Variants in DIAPH2 observed in about 807,000 individuals in gnomAD.
The protein encoded by DIAPH2 is diaphanous related formin 2.
DIAPH2 carries 35 observed loss-of-function variants against 92.7 expected under a neutral mutation model. That is an observed-to-expected ratio of 0.38 (90% CI 0.29 to 0.50). The LOEUF is 0.50. Ranked by LOEUF, DIAPH2 falls within the 20% of genes least tolerant of loss-of-function variation. The pLI is 0.94. For missense variants in DIAPH2, 701 were observed against 819.5 expected, an observed-to-expected ratio of 0.86 and a Z score of 1.77; for synonymous variants, 301 against 280.4, an observed-to-expected ratio of 1.07 and a Z score of -0.73.
chrX:97,356,127 C>G (rs909857920), intron 24 of DIAPH2, among the ~76,000 whole-genome samples: 2 of 111,651 alleles, frequency 1.8e-5, no homozygotes, highest in African/African-American at 3.2e-5. Flanking sequence ...CCATGTTTCA[C>G]AGGACACTTC....
At chrX:97,367,823 C>T (rs2069396889) in intron 24 of DIAPH2, among the ~76,000 whole-genome samples, 1 of 110,423 alleles carries the variant, frequency 9.1e-6, no homozygotes, top group Non-Finnish European at 1.9e-5. Context: ...CTGCCTCAGC[C>T]TCCCAAGTAG....
At chrX:97,335,713 C>G (rs1319849632) in intron 23 of DIAPH2, among the ~76,000 whole-genome samples, 1 of 111,810 alleles carries the variant, frequency 8.9e-6, no homozygotes, top group African/African-American at 3.2e-5. Context: ...TAGGAACTAG[C>G]AAATAGACTT....
chrX:96,832,110 T>G (rs1000780682), intron 4 of DIAPH2, among the ~76,000 whole-genome samples: 2 of 111,465 alleles, frequency 1.8e-5, no homozygotes, highest in Admixed American at 9.6e-5. Context: ...AAAGAGTAGG[T>G]ATAAAGAGAG....
intron 15 of DIAPH2, chrX:96,954,337 A>T (rs960241765): frequency 2.7e-5 from 3 of 112,660 alleles, no homozygotes; most frequent in Non-Finnish European, 5.6e-5. Context: ...ATATTTATCT[A>T]GCAAAGTGAG....
At chrX:96,768,395 T>C (rs2064317401) in intron 4 of DIAPH2, among the ~76,000 whole-genome samples, 2 of 111,804 alleles carry the variant, frequency 1.8e-5, no homozygotes, top group South Asian at 7.6e-4. Flanking sequence ...CTCTCTAGAC[T>C]CAGTTTCATT....
chrX:96,809,125 A>G (rs2064652878), intron 4 of DIAPH2, among the ~76,000 whole-genome samples: 1 of 111,393 alleles, frequency 9.0e-6, no homozygotes, highest in Non-Finnish European at 1.9e-5. Context: ...TTAAGTATTT[A>G]ATATAAACAA....
chrX:97,369,910 G>C (rs1210692746), intron 24 of DIAPH2, among the ~76,000 whole-genome samples: 1 of 111,664 alleles, frequency 9.0e-6, no homozygotes, highest in Admixed American at 9.6e-5. Flanking sequence ...CATTCTCAAT[G>C]ATTGAAAATA....
At chrX:97,341,911 A>G (rs1484749197) in intron 23 of DIAPH2, among the ~76,000 whole-genome samples, 3 of 111,952 alleles carry the variant, frequency 2.7e-5, no homozygotes, top group East Asian at 2.8e-4. Flanking sequence ...CCCAGAGACA[A>G]TGTTTCACCA....
intron 26 of DIAPH2, among the ~76,000 whole-genome samples, chrX:97,487,336 G>A (rs1402805135): frequency 9.0e-6 from 1 of 110,983 alleles, no homozygotes; most frequent in Non-Finnish European, 1.9e-5. Context: ...GTGCAGTGGC[G>A]TGATCTCGGT....
chrX:97,565,175 C>T (rs770848744), intron 26 of DIAPH2, among the ~76,000 whole-genome samples: 8 of 111,288 alleles, frequency 7.2e-5, no homozygotes, highest in Non-Finnish European at 9.4e-5. Flanking sequence ...GGTCAGCTTA[C>T]GGACTTTGAA....
chrX:97,533,289 G>T (rs903793312), intron 26 of DIAPH2: 3 of 111,391 alleles, frequency 2.7e-5, no homozygotes, highest in African/African-American at 9.8e-5. Flanking sequence ...ATGTTCCAAT[G>T]ATGTTAACTG....
intron 21 of DIAPH2, among the ~76,000 whole-genome samples, chrX:97,132,157 A>G (rs2067142269): frequency 8.9e-6 from 1 of 112,055 alleles, no homozygotes; most frequent in African/African-American, 3.2e-5. Context: ...AAATTAGGCT[A>G]ACAAGTGTGA....
intron 26 of DIAPH2, among the ~76,000 whole-genome samples, chrX:97,513,701 CCTGGTGGTGACAAAAT>C (rs1372757339): frequency 2.5e-4 from 10 of 39,563 alleles, no homozygotes; most frequent in African/African-American, 1.1e-3. Flanking sequence ...TTAGGGCAGG[CCTGGTGGTGACAAAAT>C]CTCTCAGCAT....
At chrX:96,978,496 G>A (rs1180310001) in intron 17 of DIAPH2, among the ~76,000 whole-genome samples, 1 of 110,121 alleles carries the variant, frequency 9.1e-6, no homozygotes, top group African/African-American at 3.3e-5. Flanking sequence ...GATGTCCCAG[G>A]AAATTCAAAA....
chrX:97,153,972 T>C (rs1426516263), intron 22 of DIAPH2, among the ~76,000 whole-genome samples: 7 of 111,639 alleles, frequency 6.3e-5, no homozygotes, highest in African/African-American at 2.3e-4. Context: ...AAGGTATGAA[T>C]ATAAAAGATT....
chrX:96,875,349 A>C (rs1429439588), intron 4 of DIAPH2, among the ~76,000 whole-genome samples: 1 of 112,051 alleles, frequency 8.9e-6, no homozygotes, highest in Admixed American at 9.5e-5. Context: ...TGAAATGCTT[A>C]ATTGATATTT....
chrX:97,132,723 T>C (rs1305159245), intron 21 of DIAPH2, among the ~76,000 whole-genome samples: 1 of 112,188 alleles, frequency 8.9e-6, no homozygotes, highest in Non-Finnish European at 1.9e-5. Context: ...CCATGATTAA[T>C]GAAAATTTTC....
chrX:97,246,077 A>ATT (rs748702486), intron 22 of DIAPH2, among the ~76,000 whole-genome samples: 20 of 81,117 alleles, frequency 2.5e-4, no homozygotes, highest in Non-Finnish European at 3.7e-4. Context: ...TAATTTTTGT[A>ATT]TTTTTTTTTT....
intron 1 of DIAPH2, among the ~76,000 whole-genome samples, chrX:96,687,267 A>G (rs1334689276): frequency 9.0e-6 from 1 of 111,700 alleles, no homozygotes; most frequent in Non-Finnish European, 1.9e-5. Context: ...TTCTAGTGGT[A>G]AAAAAGAAGT....
Sources: gnomAD v4.1 joint callset for allele counts (sites outside exome capture counted in the v4.1 genomes callset) on GRCh38, gnomAD v4.1.1 for gene constraint, MANE v1.5 for transcripts, NCBI Gene and HGNC (gene_info 2026-07-23, HGNC 2026-07-21) for gene names.